The following SMC4 variants were observed in gnomAD, a reference collection of about 807,000 sequenced individuals.
The protein encoded by SMC4 is structural maintenance of chromosomes protein 4.
Under a neutral mutation model 145.6 loss-of-function variants are expected in SMC4, and 87 were observed. The ratio of observed to expected loss-of-function variants is 0.60; its 90% CI spans 0.50 to 0.71. The LOEUF (loss-of-function observed/expected upper bound fraction) is 0.71, where lower values mean the gene tolerates loss of function less well. SMC4 is among the 30% of genes least tolerant of loss of function. The pLI is 0.00. For synonymous variants in SMC4, 558 were observed against 500.7 expected, an observed-to-expected ratio of 1.11 and a Z score of -1.53; for missense variants, 1,447 against 1,537.1, an observed-to-expected ratio of 0.94 and a Z score of 0.98.
chr3:160,412,973 C>G (rs1716174930), intron 7 of SMC4: 1 of 214,110 alleles, frequency 4.7e-6, no homozygotes, highest in African/African-American at 2.4e-5. Flanking sequence ...TGGGCTGTTT[C>G]ACCCAGGGTG....
intron 3 of SMC4, 146 bp from the exon 4 acceptor site, chr3:160,402,530 G>A (rs1253249281): frequency 7.0e-6 from 5 of 718,588 alleles, no homozygotes; most frequent in African/African-American, 3.7e-5. Flanking sequence ...AACTCAAGTC[G>A]TATGCCTGTG....
In SMC4 at chr3:160,417,834, G is replaced by T; in HGVS notation, c.1549G>T (p.Val517Leu). 1.2e-6 allele frequency: 2 copies of T among 1,613,762 alleles called. No individual in the cohort carries two copies. Among genetic ancestry groups the T allele is most frequent in the African/African-American group, 2.7e-5 (2 of 75,034 alleles). Reference protein sequence around the residue: ...DIYLSRHNTAVSQLTKAKEAL... With the variant: ...DIYLSRHNTALSQLTKAKEAL... Reference sequence around the variant, plus strand: ...CTATCTCAGTCGTCATAATACTGCAGTGTCTCAATTAACTAAGGCTAAGGA... The same window carrying T: ...CTATCTCAGTCGTCATAATACTGCATTGTCTCAATTAACTAAGGCTAAGGA... Residue 517 changes from valine (V) to leucine (L), a missense_variant, in exon 11 of 24, where the codon GTG becomes TTG. Val to Leu is a conservative substitution (Grantham distance 32). Transcript: ENST00000357388.
intron 12 of SMC4, 34 bp from the exon 13 acceptor site, chr3:160,420,706 C>G: frequency 6.2e-7 from 1 of 1,601,014 alleles, no homozygotes; most frequent in Non-Finnish European, 8.5e-7. Flanking sequence ...GCTTTTCTGC[C>G]TAACTCTTTT....
At chr3:160,418,081 A>G (rs774033503) in intron 11 of SMC4, 125 bp downstream of exon 11, 67 of 745,004 alleles carry the variant, frequency 9.0e-5, no homozygotes, top group Non-Finnish European at 1.3e-4. Flanking sequence ...TATAATCTCA[A>G]AAGAATGAGG....
Position 160,428,735 on chromosome 3 carries a change from T to G in SMC4, c.2606-18T>G, listed in dbSNP as rs1266068411. On this transcript the variant is annotated intron_variant, in intron 17 of 23. Transcript: ENST00000357388. Reference sequence around the variant, plus strand: ...TAGCATAAAAACACAAATTAGGTTCTTTATTTTTTAATTTCAGAATATGAT... The same window carrying G: ...TAGCATAAAAACACAAATTAGGTTCGTTATTTTTTAATTTCAGAATATGAT... The G allele has an allele frequency of 1.9e-6, 3 of 1,559,278 alleles. No homozygotes were observed. The highest frequency in any genetic ancestry group is 4.7e-5 in the Admixed American group (2 of 42,766).
chr3:160,424,810 C>T (rs561705486), intron 15 of SMC4, 57 bp from the exon 16 acceptor site: 5 of 1,596,734 alleles, frequency 3.1e-6, no homozygotes, highest in East Asian at 2.2e-5. Context: ...TAGTTTTCTT[C>T]GTAAGTTGAC....
intron 15 of SMC4, 70 bp downstream of exon 15, chr3:160,423,910 C>G (rs530568068): frequency 3.5e-5 from 44 of 1,269,386 alleles, no homozygotes; most frequent in African/African-American, 4.6e-5. Context: ...TATATACTTA[C>G]TACAAAATTT....
Position 160,430,589 on chromosome 3 carries a change from G to T in SMC4, c.2796-10G>T. ...TACCACATTTTTGATGCATCATTTT[G>T]CTTCTTTAGAAACCTTCAAAAGGCA... On this transcript the variant is annotated splice_polypyrimidine_tract_variant and intron_variant, in intron 18 of 23. Coordinates refer to ENST00000357388, the MANE Select transcript of SMC4 (RefSeq NM_001002800.3). The T allele has an allele frequency of 6.5e-7, 1 of 1,548,438 alleles. No homozygotes were observed. Among genetic ancestry groups the T allele is most frequent in the South Asian group, 1.3e-5 (1 of 79,452 alleles).
intron 13 of SMC4, among the ~76,000 whole-genome samples, chr3:160,421,535 G>C (rs927649237): frequency 1.2e-4 from 19 of 152,182 alleles, no homozygotes; most frequent in African/African-American, 4.3e-4. Context: ...CACGAGGTCA[G>C]GAGTTTGAGA....
intron 8 of SMC4, chr3:160,414,055 A>G: frequency 2.4e-6 from 1 of 416,298 alleles, no homozygotes. Context: ...AGTAACTTGT[A>G]AGTATATTCG....
chr3:160,433,289 T>A (rs1035351889), intron 23 of SMC4, 80 bp downstream of exon 23: 2 of 994,982 alleles, frequency 2.0e-6, no homozygotes, highest in African/African-American at 3.3e-5. Flanking sequence ...CTTTATTTCT[T>A]ACAATTGAGC....
intron 5 of SMC4, among the ~76,000 whole-genome samples, chr3:160,407,240 T>C (rs966597728): frequency 6.6e-6 from 1 of 152,206 alleles, no homozygotes; most frequent in Admixed American, 6.5e-5. Flanking sequence ...TGTCTTCATA[T>C]TACAAAATCT....
chr3:160,423,894 CCG>C, intron 15 of SMC4, 54 bp downstream of exon 15: 1 of 1,458,126 alleles, frequency 6.9e-7, no homozygotes. Context: ...AATAGCTTTA[CCG>C]AGGTATATAC....
At chr3:160,409,890 G>A (rs1354527152) in intron 5 of SMC4, among the ~76,000 whole-genome samples, 1 of 152,068 alleles carries the variant, frequency 6.6e-6, no homozygotes, top group Non-Finnish European at 1.5e-5. Context: ...AACATAGAGG[G>A]ACCACCATGT....
At chr3:160,424,831 A>G (rs748630044) in intron 15 of SMC4, 36 bp from the exon 16 acceptor site, 3 of 1,610,650 alleles carry the variant, frequency 1.9e-6, no homozygotes, top group Non-Finnish European at 2.5e-6. Flanking sequence ...TTTTCTGTCA[A>G]TCTGAAATGG....
Position 160,419,464 on chromosome 3 carries a change from A to G in SMC4, c.1778A>G (p.Asn593Ser), listed in dbSNP as rs766411433. Residue 593 changes from asparagine to serine, a missense_variant, in exon 12 of 24, where the codon AAT (asparagine) becomes AGT (serine). Asn to Ser is a conservative substitution (Grantham distance 46). Coordinates refer to ENST00000357388, the MANE Select transcript of SMC4 (RefSeq NM_001002800.3). ...GAAGCAAAGAGCTCATTAGCAATGA[A>G]TCGAAGTAGGGGGAAAGTCCTTGAT... The part of the protein sequence containing the change: ...VEEAKSSLAM[N>S]RSRGKVLDAI... The G allele has an allele frequency of 7.4e-6, 12 of 1,612,192 alleles. No homozygotes were observed. Among genetic ancestry groups the G allele is most frequent in the Non-Finnish European group, 1.0e-5 (12 of 1,179,598 alleles).
Position 160,419,421 on chromosome 3 carries a change from C to G in SMC4, c.1735C>G (p.Leu579Val), listed in dbSNP as rs1278415524. 6.2e-7 allele frequency: 1 copy of G among 1,611,984 alleles called. No homozygotes were observed. The highest frequency in any genetic ancestry group is 8.5e-7 in the Non-Finnish European group (1 of 1,179,534). ...AAACTTTAAAAGTTTGGTTCATGAT[C>G]TCTTTCAAAAAGTTGAAGAAGCAAA... is the stretch of plus-strand genomic sequence containing the variant. ...ETNFKSLVHD[L>V]FQKVEEAKSS... is the part of the protein sequence containing the mutation. The change falls in exon 12 of 24, where the codon CTC becomes GTC. Residue 579 changes from leucine to valine, a missense_variant. By Grantham distance (32) the Leu-to-Val change is conservative (BLOSUM62 1). Transcript: ENST00000357388.
At position 160,417,880 on chromosome 3, in the gene SMC4, A is replaced by G; in HGVS notation, c.1595A>G (p.Glu532Gly). 6.2e-7 allele frequency: 1 copy of G among 1,613,704 alleles called. No homozygotes were observed. Among genetic ancestry groups the G allele is most frequent in the South Asian group, 1.1e-5 (1 of 91,062 alleles). Residue 532 changes from glutamate (E) to glycine (G), a missense_variant, in exon 11 of 24, where the codon GAG becomes GGG. Transcript: ENST00000357388. ...KAKEALIAASETLKERKAAIR... is the reference protein window; with the variant it reads ...KAKEALIAASGTLKERKAAIR... ...AAGGAAGCTCTAATTGCAGCTTCTG[A>G]GACTCTCAAAGAAAGGAAAGCTGCA...
intron 22 of SMC4, 131 bp downstream of exon 22, chr3:160,432,646 TTGCTTGCATGCTATTTA>T (rs1718533952): frequency 3.2e-6 from 2 of 620,254 alleles, no homozygotes; most frequent in African/African-American, 3.7e-5. Flanking sequence ...AAATACTAAT[TTGCTTGCATGCTATTTA>T]TGCTTGCAGT....
Sources: gnomAD v4.1 joint callset for allele counts (sites outside exome capture counted in the v4.1 genomes callset) on GRCh38, gnomAD v4.1.1 for gene constraint, MANE v1.5 for transcripts, NCBI Gene and HGNC (gene_info 2026-07-23, HGNC 2026-07-21) for gene names.